The following GPAT4 variants were observed in gnomAD, a reference collection of about 807,000 sequenced individuals.
GPAT4 encodes the protein 1-AGP acyltransferase 6.
Under a neutral mutation model 58.0 loss-of-function variants are expected in GPAT4, and 17 were observed. The observed-to-expected ratio is 0.29, with a 90% CI of 0.20 to 0.44. The LOEUF is 0.44. Ranked by LOEUF, GPAT4 falls within the 20% of genes least tolerant of loss-of-function variation. The probability of loss-of-function intolerance (pLI) is 1.00; values close to 1 mark genes in which losing one functional copy is unlikely to be tolerated. For synonymous variants in GPAT4, 204 were observed against 210.1 expected (o/e 0.97, Z 0.25); for missense variants, 377 against 574.5 (o/e 0.66, Z 3.51).
chr8:41,594,263 T>C (rs1802863781), intron 1 of GPAT4, among the ~76,000 whole-genome samples: 1 of 152,240 alleles, frequency 6.6e-6, no homozygotes, highest in South Asian at 2.1e-4. Flanking sequence ...TTCTTTACAA[T>C]TAACGTTTTA....
intron 10 of GPAT4, among the ~76,000 whole-genome samples, chr8:41,618,238 G>T (rs1803649642): frequency 6.6e-6 from 1 of 152,154 alleles, no homozygotes; most frequent in South Asian, 2.1e-4. Context: ...ATCTTTATTT[G>T]GGGGAGGTAC....
intron 4 of GPAT4, chr8:41,610,495 C>G (rs1803409003): frequency 8.0e-6 from 11 of 1,367,864 alleles, no homozygotes; most frequent in Non-Finnish European, 9.4e-6. Flanking sequence ...TTCCAGCTGC[C>G]TGAGGCCTCA....
chr8:41,608,411 C>T (rs1803344023), intron 2 of GPAT4, among the ~76,000 whole-genome samples: 1 of 152,226 alleles, frequency 6.6e-6, no homozygotes, highest in Non-Finnish European at 1.5e-5. Flanking sequence ...TTCTGTTTCT[C>T]TGACTCACTG....
chr8:41,586,347 G>A (rs902065876), intron 1 of GPAT4, among the ~76,000 whole-genome samples: 5 of 152,116 alleles, frequency 3.3e-5, no homozygotes, highest in Admixed American at 6.5e-5. Context: ...TCCGTCTTTT[G>A]GCTGTTCTGA....
intron 1 of GPAT4, among the ~76,000 whole-genome samples, chr8:41,591,944 A>G (rs11994272): frequency 0.47 from 70,983 of 152,140 alleles, 16,931 homozygotes; most frequent in African/African-American, 0.55. Context: ...AGGCTCTGCC[A>G]GTTTTATTAG....
chr8:41,604,425 C>G (rs1462308442), intron 2 of GPAT4, among the ~76,000 whole-genome samples: 2 of 152,148 alleles, frequency 1.3e-5, no homozygotes, highest in Admixed American at 1.3e-4. Flanking sequence ...AGTGCAGGTC[C>G]TGTTCATGCT....
chr8:41,604,837 T>TA (rs1253595136), intron 2 of GPAT4, among the ~76,000 whole-genome samples: 1 of 152,214 alleles, frequency 6.6e-6, no homozygotes, highest in East Asian at 1.9e-4. Context: ...AGGCAGCTGT[T>TA]ACCTTGAATC....
chr8:41,620,548 C>T (rs1327609145), intron 12 of GPAT4, among the ~76,000 whole-genome samples: 1 of 152,170 alleles, frequency 6.6e-6, no homozygotes, highest in Non-Finnish European at 1.5e-5. Context: ...GCATGTCTAC[C>T]TTCCATAATG....
chr8:41,584,010 C>G (rs1466855304), intron 1 of GPAT4, among the ~76,000 whole-genome samples: 1 of 152,172 alleles, frequency 6.6e-6, no homozygotes, highest in African/African-American at 2.4e-5. Flanking sequence ...GATCCTCCCA[C>G]CTAAGCCTCC....
intron 10 of GPAT4, 81 bp downstream of exon 10, chr8:41,615,129 G>C: frequency 7.7e-7 from 1 of 1,306,376 alleles, no homozygotes; most frequent in Non-Finnish European, 1.1e-6. Context: ...AGAGGAAGGA[G>C]CTGGGGTCAC....
chr8:41,586,206 G>A lies in GPAT4; in HGVS notation c.-849+7928G>A, dbSNP rs532425010. Among the ~76,000 whole-genome samples, 3 of 152,138 alleles carry A rather than the reference G, an allele frequency of 2.0e-5. No individual in the cohort carries two copies. The South Asian group carries it at 6.2e-4, about 31-fold the overall frequency. ...CTTTTCAATGGGTTTCATTCACTTA[G>A]TATGATGTTTTGAAGATTCATCCAT... On this transcript the variant is annotated intron_variant, in intron 1 of 12. Coordinates refer to ENST00000396987, the MANE Select transcript of GPAT4 (RefSeq NM_178819.4).
chr8:41,578,649 C>A (rs1802428069), intron 1 of GPAT4: 1 of 152,342 alleles, frequency 6.6e-6, no homozygotes, highest in Admixed American at 6.5e-5. Flanking sequence ...CGTTGGAGCA[C>A]CAGGAAGCGC....
chr8:41,582,223 C>T (rs1046968524), intron 1 of GPAT4, among the ~76,000 whole-genome samples: 3 of 151,512 alleles, frequency 2.0e-5, no homozygotes, highest in South Asian at 4.2e-4. Flanking sequence ...AGGCTGGTCT[C>T]GAACTCCTGA....
chr8:41,592,768 ACTT>A (rs1052998560), intron 1 of GPAT4, among the ~76,000 whole-genome samples: 3 of 152,092 alleles, frequency 2.0e-5, no homozygotes, highest in African/African-American at 7.3e-5. Flanking sequence ...GTGTTTGTAA[ACTT>A]CTTCTTGAAC....
chr8:41,593,593 G>C (rs112034797), intron 1 of GPAT4, among the ~76,000 whole-genome samples: 1,549 of 152,250 alleles, frequency 0.01, 19 homozygotes, highest in Non-Finnish European at 0.015. Context: ...TTCTTGACTC[G>C]GGTGTGATGA....
intron 1 of GPAT4, 139 bp from the exon 2 acceptor site, chr8:41,598,153 C>G (rs1022977902): frequency 6.6e-6 from 1 of 152,206 alleles, no homozygotes; most frequent in African/African-American, 2.4e-5. Flanking sequence ...GTCTCTTTGA[C>G]CTTGATGACT....
At chr8:41,578,500 C>G (rs1802423190) in intron 1 of GPAT4, 1 of 152,036 alleles carries the variant, frequency 6.6e-6, no homozygotes, top group South Asian at 2.1e-4. Flanking sequence ...GCGCCCGCCC[C>G]GAACCCCGGC....
chr8:41,602,100 G>A (rs538210810), intron 2 of GPAT4, among the ~76,000 whole-genome samples: 6 of 152,274 alleles, frequency 3.9e-5, no homozygotes, highest in African/African-American at 9.6e-5. Flanking sequence ...GATGACAGGC[G>A]CGTGCCATCA....
At chr8:41,581,290 C>T (rs1414760410) in intron 1 of GPAT4, among the ~76,000 whole-genome samples, 1 of 152,166 alleles carries the variant, frequency 6.6e-6, no homozygotes, top group African/African-American at 2.4e-5. Context: ...CAGACACGTA[C>T]ACATGCCACA....
Sources: allele counts gnomAD v4.1 joint callset (sites outside exome capture counted in the v4.1 genomes callset), GRCh38; gene constraint gnomAD v4.1.1; transcripts MANE v1.5; gene names NCBI Gene and HGNC (gene_info 2026-07-23, HGNC 2026-07-21).